The following IGF1R variants were observed in gnomAD, a reference collection of about 807,000 sequenced individuals.
The protein encoded by IGF1R is insulin-like growth factor 1 receptor.
In IGF1R, 44 loss-of-function variants were observed where a neutral mutation model predicts 144.6. The ratio of observed to expected loss-of-function variants is 0.30; its 90% CI spans 0.24 to 0.39. IGF1R has a LOEUF of 0.39. IGF1R is among the 10% of genes least tolerant of loss of function. IGF1R has a pLI of 1.00. For synonymous variants in IGF1R, 795 were observed against 722.8 expected (o/e 1.10, Z -1.60); for missense variants, 1,355 against 1,833.7 (o/e 0.74, Z 4.77).
chr15:98,883,492 C>A (rs1383108021), intron 2 of IGF1R, among the ~76,000 whole-genome samples: 1 of 152,204 alleles, frequency 6.6e-6, no homozygotes, highest in Non-Finnish European at 1.5e-5. Flanking sequence ...AAACTAATAG[C>A]CAAGCTGTAA....
At position 98,958,284 on chromosome 15, in the gene IGF1R, T is replaced by TCCCTGCCCTGCCTC; in HGVS notation, c.*846_*859dup. 4.3e-6 allele frequency: 1 copy of TCCCTGCCCTGCCTC among 231,224 alleles called. No homozygotes were observed. The highest frequency in any genetic ancestry group is 8.6e-6 in the Non-Finnish European group (1 of 116,912). The allele number at this position is 231,224 out of a possible 1,614,324, so 14.3% of individuals were successfully genotyped here. A position where few individuals can be genotyped will look rare whatever the true frequency, so the allele number is the denominator to read the frequency against. On this transcript the variant is annotated 3_prime_UTR_variant, in exon 21 of 21. Transcript: ENST00000650285. ...AAGGTGGGGAGAAGCTGAACCGGCT[T>TCCCTGCCCTGCCTC]CCCTGCCCTGCCTCCCCAGCCCCCT...
intron 2 of IGF1R, among the ~76,000 whole-genome samples, chr15:98,839,005 A>G (rs2011131661): frequency 6.6e-6 from 1 of 152,228 alleles, no homozygotes; most frequent in Non-Finnish European, 1.5e-5. Context: ...AAGGCTGACT[A>G]TGGAGTGAAG....
intron 5 of IGF1R, among the ~76,000 whole-genome samples, chr15:98,904,663 TG>T (rs1224034775): frequency 6.6e-6 from 1 of 152,228 alleles, no homozygotes; most frequent in Non-Finnish European, 1.5e-5. Flanking sequence ...TGGGTTCTGA[TG>T]CCCCCTAGAG....
intron 2 of IGF1R, among the ~76,000 whole-genome samples, chr15:98,831,056 G>GA (rs2056993425): frequency 1.3e-5 from 2 of 152,132 alleles, no homozygotes; most frequent in Non-Finnish European, 1.5e-5. Flanking sequence ...TTACTGTGGG[G>GA]AGGGCACCAA....
At chr15:98,674,896 C>G (rs1027623079) in intron 1 of IGF1R, among the ~76,000 whole-genome samples, 4 of 149,674 alleles carry the variant, frequency 2.7e-5, no homozygotes, top group Non-Finnish European at 5.9e-5. Flanking sequence ...AACATTATAT[C>G]TTTATCACCT....
Position 98,783,113 on chromosome 15 carries a change from G to GC in IGF1R, c.640+75011dup, listed in dbSNP as rs200217360. On this transcript the variant is annotated intron_variant, in intron 2 of 20. Coordinates refer to ENST00000650285, the MANE Select transcript of IGF1R (RefSeq NM_000875.5). The stretch of plus-strand genomic sequence containing the variant: ...ATTTGTTGTTGGGAGACCTCCCCCT[G>GC]CCCCCATTAAAAAAATTATTTTGAA... Among the ~76,000 whole-genome samples the GC allele has an allele frequency of 6.1e-3, 927 of 152,064 alleles. 6 individuals carry two copies. The highest frequency in any genetic ancestry group is 0.021 in the African/African-American group (878 of 41,466).
chr15:98,762,620 C>T (rs923540782), intron 2 of IGF1R, among the ~76,000 whole-genome samples: 3 of 151,494 alleles, frequency 2.0e-5, no homozygotes, highest in Admixed American at 1.3e-4. Flanking sequence ...CCCAGTTACT[C>T]GGGAGGCTGA....
At chr15:98,783,383 T>A (rs1017680146) in intron 2 of IGF1R, among the ~76,000 whole-genome samples, 1 of 152,228 alleles carries the variant, frequency 6.6e-6, no homozygotes, top group Admixed American at 6.5e-5. Context: ...CATTTAATAA[T>A]GTTCTGTAAA....
chr15:98,779,727 C>G (rs533023356), intron 2 of IGF1R, among the ~76,000 whole-genome samples: 1 of 152,182 alleles, frequency 6.6e-6, no homozygotes, highest in Non-Finnish European at 1.5e-5. Flanking sequence ...GAGGACATTC[C>G]GTCTGCGGGG....
At chr15:98,684,324 T>C (rs2053267302) in intron 1 of IGF1R, among the ~76,000 whole-genome samples, 1 of 151,390 alleles carries the variant, frequency 6.6e-6, no homozygotes. Flanking sequence ...TTGTTTATCA[T>C]AATATGCCAC....
At chr15:98,899,238 CAG>C (rs1259146576) in intron 4 of IGF1R, among the ~76,000 whole-genome samples, 1 of 152,220 alleles carries the variant, frequency 6.6e-6, no homozygotes, top group Non-Finnish European at 1.5e-5. Flanking sequence ...TTGGGAGCTG[CAG>C]TACCCCCCAG....
At chr15:98,929,145 A>G (rs1210896869) in intron 13 of IGF1R, among the ~76,000 whole-genome samples, 1 of 152,044 alleles carries the variant, frequency 6.6e-6, no homozygotes, top group Non-Finnish European at 1.5e-5. Context: ...AACAGAACCA[A>G]CACTTGTATG....
intron 2 of IGF1R, among the ~76,000 whole-genome samples, chr15:98,793,642 C>T (rs1308404412): frequency 6.6e-6 from 1 of 152,162 alleles, no homozygotes; most frequent in Non-Finnish European, 1.5e-5. Context: ...GTCACATTAT[C>T]CCTTGCTAAA....
intron 1 of IGF1R, among the ~76,000 whole-genome samples, chr15:98,680,192 C>G (rs1219005418): frequency 1.3e-5 from 2 of 152,078 alleles, no homozygotes; most frequent in Non-Finnish European, 2.9e-5. Flanking sequence ...TCACTCACCA[C>G]TCACTGACTC....
intron 2 of IGF1R, among the ~76,000 whole-genome samples, chr15:98,775,268 C>A (rs2055683696): frequency 6.6e-6 from 1 of 152,114 alleles, no homozygotes; most frequent in Non-Finnish European, 1.5e-5. Context: ...TGTCCTGCCC[C>A]ATCTCTGTTT....
chr15:98,851,443 T>A (rs1279288173), intron 2 of IGF1R, among the ~76,000 whole-genome samples: 1 of 152,134 alleles, frequency 6.6e-6, no homozygotes, highest in Non-Finnish European at 1.5e-5. Context: ...AAAGAGCACA[T>A]AAATGAAGTG....
chr15:98,920,464 G>A lies in IGF1R; in HGVS notation c.2202-1684G>A, dbSNP rs74418737. 2.0e-3 allele frequency among the ~76,000 whole-genome samples: 305 copies of A among 152,268 alleles called. 7 individuals are homozygous for A. In the East Asian group the frequency reaches 0.053, roughly 26 times the overall value. ...AGGGGTTTTGACAGAATTATTTTGC[G>A]GTACATCAAACCTAAGCAACTTCTG... On this transcript the variant is annotated intron_variant, in intron 10 of 20. Transcript: ENST00000650285.
In IGF1R at chr15:98,916,894, A is replaced by G; in HGVS notation, c.2201+18A>G. On this transcript the variant is annotated intron_variant, in intron 10 of 20. Transcript: ENST00000650285. ...GTGCCCAGGTACCCAGCTCATGTGA[A>G]ATTTCAGTTGGCAAAACCCACTGCT... 1 of 1,612,636 alleles carries G rather than the reference A, an allele frequency of 6.2e-7. No individual in the cohort carries two copies. The highest frequency in any genetic ancestry group is 1.1e-5 in the South Asian group (1 of 90,992).
intron 1 of IGF1R, among the ~76,000 whole-genome samples, chr15:98,676,110 G>A (rs2053036560): frequency 2.6e-5 from 4 of 151,752 alleles, no homozygotes; most frequent in Non-Finnish European, 4.4e-5. Flanking sequence ...GATTACAGAC[G>A]TGAGCCACTG....
Sources: gnomAD v4.1 joint callset for allele counts (sites outside exome capture counted in the v4.1 genomes callset) on GRCh38, gnomAD v4.1.1 for gene constraint, MANE v1.5 for transcripts, NCBI Gene and HGNC (gene_info 2026-07-23, HGNC 2026-07-21) for gene names.